Variants in TOP2B observed in about 807,000 individuals in gnomAD.
TOP2B encodes DNA topoisomerase 2-beta.
In TOP2B, 51 loss-of-function variants were observed where a neutral mutation model predicts 193.5. The ratio of observed to expected loss-of-function variants is 0.26; its 90% CI spans 0.21 to 0.33. The LOEUF is 0.33. TOP2B is among the 10% of genes least tolerant of loss of function. The pLI is 1.00. For missense variants in TOP2B, 1,378 were observed against 1,909.3 expected (o/e 0.72, Z 5.19); for synonymous variants, 634 against 635.7 (o/e 1.00, Z 0.04).
chr3:25,602,504 A>T (rs1702129400), intron 33 of TOP2B, among the ~76,000 whole-genome samples: 1 of 151,992 alleles, frequency 6.6e-6, no homozygotes, highest in Non-Finnish European at 1.5e-5. Flanking sequence ...TGTTTAAAAA[A>T]AAAAAAAAAC....
chr3:25,598,146 GTA>G lies in TOP2B; in HGVS notation c.*159_*160del. ...AATGAGTAAAAAAGAGCATAAAACT[GTA>G]TGTGTAAGAACAAAATGTTAAAAGG... On this transcript the variant is annotated 3_prime_UTR_variant, in exon 36 of 36. Coordinates refer to ENST00000264331, the MANE Select transcript of TOP2B (RefSeq NM_001330700.2). The G allele has an allele frequency of 1.5e-6, 1 of 667,522 alleles. No homozygotes were observed. Among genetic ancestry groups the G allele is most frequent in the Non-Finnish European group, 2.4e-6 (1 of 413,598 alleles). The allele number at this position is 667,522 out of a possible 1,614,324, so 41.3% of individuals were successfully genotyped here.
intron 18 of TOP2B, among the ~76,000 whole-genome samples, chr3:25,625,543 T>C (rs979422222): frequency 6.6e-6 from 1 of 152,056 alleles, no homozygotes; most frequent in African/African-American, 2.4e-5. Context: ...TTTGTTTGTT[T>C]GTTTTTGCGA....
At chr3:25,631,485 A>T (rs1029783212) in intron 10 of TOP2B, among the ~76,000 whole-genome samples, 28 of 152,090 alleles carry the variant, frequency 1.8e-4, no homozygotes, top group African/African-American at 6.5e-4. Flanking sequence ...CTGTGGCAAG[A>T]TGTTAACCCA....
Position 25,598,286 on chromosome 3 carries a change from ATGTT to A in TOP2B, c.*17_*20del, listed in dbSNP as rs528154103. ...GACAACACAAGATATTTGTTGAAAAATGTTTGTGCTCTTTGGGCACTTAATTAAA... is the reference window on the plus strand; with the variant it reads ...GACAACACAAGATATTTGTTGAAAAATGTGCTCTTTGGGCACTTAATTAAA... On this transcript the variant is annotated 3_prime_UTR_variant, in exon 36 of 36. Transcript: ENST00000264331. 6 of 1,584,136 alleles carry A rather than the reference ATGTT, an allele frequency of 3.8e-6. No homozygotes were observed. The highest frequency in any genetic ancestry group is 2.7e-5 in the African/African-American group (2 of 74,024).
rs577804490 is a variant in TOP2B, at chr3:25,638,794, T to C, written c.396-484A>G. Among the ~76,000 whole-genome samples, 6 of 152,314 alleles carry C rather than the reference T, an allele frequency of 3.9e-5. No homozygotes were observed. The East Asian group carries it at 1.2e-3, about 29-fold the overall frequency. On this transcript the variant is annotated intron_variant, in intron 4 of 35. Coordinates refer to ENST00000264331, the MANE Select transcript of TOP2B (RefSeq NM_001330700.2). Reference sequence around the variant, plus strand: ...GAACTGGCTATCAAACTCACCTCTCTTATAAAATTTCAATCTGTATCATTT... The same window carrying C: ...GAACTGGCTATCAAACTCACCTCTCCTATAAAATTTCAATCTGTATCATTT...
At chr3:25,601,298 A>G in intron 33 of TOP2B, 73 bp from the exon 34 acceptor site, 1 of 1,499,734 alleles carries the variant, frequency 6.7e-7, no homozygotes, top group Non-Finnish European at 8.9e-7. Context: ...TCCTATATAA[A>G]TGGAATTTCT....
rs190245921 is a variant in TOP2B at position 25,642,594 on chromosome 3, C to T, written c.332-209G>A. The stretch of plus-strand genomic sequence containing the variant: ...CACACCAAATTACTGTTATGTTTTC[C>T]ACCACAAAAAAAGAGGAGGAAATGT... On this transcript the variant is annotated intron_variant, in intron 3 of 35. Transcript: ENST00000264331. Among the ~76,000 whole-genome samples, 483 of 151,930 alleles carry T rather than the reference C, an allele frequency of 3.2e-3. 5 individuals are homozygous for T. Among genetic ancestry groups the T allele is most frequent in the Admixed American group, 4.8e-3 (74 of 15,270 alleles).
At chr3:25,652,769 C>T (rs932403997) in intron 1 of TOP2B, among the ~76,000 whole-genome samples, 3 of 150,710 alleles carry the variant, frequency 2.0e-5, no homozygotes, top group Admixed American at 6.6e-5. Context: ...GAAACTAAAC[C>T]AAATTAATGA....
chr3:25,633,714 G>A, intron 8 of TOP2B, 127 bp downstream of exon 8: 1 of 717,610 alleles, frequency 1.4e-6, no homozygotes, highest in Non-Finnish European at 2.1e-6. Context: ...GTTTTCATAA[G>A]TCAATTCTTA....
Position 25,664,246 on chromosome 3 carries a change from C to G in TOP2B, c.52G>C (p.Gly18Arg), listed in dbSNP as rs1233350573. The G allele has an allele frequency of 6.5e-7, 1 of 1,538,558 alleles. No individual in the cohort carries two copies. Among genetic ancestry groups the G allele is most frequent in the East Asian group, 2.5e-5 (1 of 40,704 alleles). The change falls in exon 1 of 36, where the codon GGG becomes CGG. Residue 18 changes from glycine (G) to arginine (R), a missense_variant. Physicochemically the swap from Gly to Arg is moderately radical, Grantham distance 125 (BLOSUM62 -2). Transcript: ENST00000264331. ...CCACTTACCACCCAGGTCAGTGCCC[C>G]GTTGCCGCCGCCCACGCCGGCTCCC... is the stretch of plus-strand genomic sequence containing the variant. ...GAGAGVGGGN[G>R]ALTWVTLFDQ...
At chr3:25,640,752 C>CTTTTT (rs372465937) in intron 4 of TOP2B, among the ~76,000 whole-genome samples, 27 of 106,978 alleles carry the variant, frequency 2.5e-4, no homozygotes, top group Admixed American at 3.3e-4. Flanking sequence ...TCTTCGTTGT[C>CTTTTT]TTTTTTTTTT....
Position 25,633,940 on chromosome 3 carries a change from A to C in TOP2B, c.927T>G (p.Val309=), listed in dbSNP as rs370757931. 1.7e-4 allele frequency: 273 copies of C among 1,613,130 alleles called. No homozygotes were observed. Among genetic ancestry groups the C allele is most frequent in the Non-Finnish European group, 2.2e-4 (263 of 1,179,426 alleles). The stretch of plus-strand genomic sequence containing the variant: ...ATCTTTCATTTGCAAGCTCATGAAT[A>C]ACTTTCAGGGCCACCCCAGTTTCAT... The part of the protein sequence containing the change: ...KLDETGVALK[V]IHELANERWD... The change falls in exon 8 of 36, where the codon GTT becomes GTG. Residue 309 remains valine (V), a synonymous_variant. Transcript: ENST00000264331.
intron 14 of TOP2B, 37 bp downstream of exon 14, chr3:25,628,998 A>C: frequency 2.5e-6 from 4 of 1,575,982 alleles, no homozygotes; most frequent in Non-Finnish European, 3.5e-6. Context: ...CTACCCTTTA[A>C]GACAACAATA....
At chr3:25,628,770 CA>C in intron 15 of TOP2B, 76 bp downstream of exon 15, 1 of 905,744 alleles carries the variant, frequency 1.1e-6, no homozygotes, top group East Asian at 2.8e-5. Context: ...GTCAAACTTT[CA>C]AGTCATCTTT....
In TOP2B at chr3:25,635,623, A is replaced by T. The variant is rs1703086036; in HGVS notation, c.852+313T>A. 2.2e-5 allele frequency among the ~76,000 whole-genome samples: 3 copies of T among 137,848 alleles called. No individual in the cohort carries two copies. The South Asian group carries it at 7.0e-4, about 32-fold the overall frequency. The allele number at this position is 137,848 out of a possible 152,430, so 90.4% of individuals were successfully genotyped here. A position where few individuals can be genotyped will look rare whatever the true frequency, so the allele number is the denominator to read the frequency against. ...TGATGCAGAGACTGCAAATGACTAA[A>T]CTTGAAGAGAGGGGATAGAAATTAA... is the stretch of plus-strand genomic sequence containing the variant. On this transcript the variant is annotated intron_variant, in intron 7 of 35. Transcript: ENST00000264331.
chr3:25,632,115 A>C (rs1362615181), intron 10 of TOP2B, among the ~76,000 whole-genome samples: 1 of 152,110 alleles, frequency 6.6e-6, no homozygotes, highest in Non-Finnish European at 1.5e-5. Flanking sequence ...TCAGTAGATC[A>C]AGTTGAAATG....
At chr3:25,662,649 G>A (rs2125414744) in intron 1 of TOP2B, among the ~76,000 whole-genome samples, 1 of 152,258 alleles carries the variant, frequency 6.6e-6, no homozygotes. Context: ...TTCCTATGGA[G>A]CTTGAAAGAA....
Position 25,645,451 on chromosome 3 carries a change from T to C in TOP2B, c.89A>G (p.Asn30Ser), listed in dbSNP as rs762587075. 3.1e-6 allele frequency: 5 copies of C among 1,609,820 alleles called. No individual in the cohort carries two copies. The highest frequency in any genetic ancestry group is 4.2e-6 in the Non-Finnish European group (5 of 1,178,746). The change falls in exon 2 of 36, where the codon AAT (asparagine) becomes AGT (serine). Residue 30 changes from asparagine (N) to serine (S), a missense_variant. Asn to Ser is a conservative substitution (Grantham distance 46). Coordinates refer to ENST00000264331, the MANE Select transcript of TOP2B (RefSeq NM_001330700.2). ...LTWVTLFDQN[N>S]AAKKEESETA... Reference sequence around the variant, plus strand: ...TTCTGACTCTTCTTTTTTTGCAGCATTGTTCTGATCAAAAAGAGTCTAAAA... The same window carrying C: ...TTCTGACTCTTCTTTTTTTGCAGCACTGTTCTGATCAAAAAGAGTCTAAAA...
Position 25,655,876 on chromosome 3 carries a change from G to C in TOP2B, c.69+8353C>G, listed in dbSNP as rs75520342. Among the ~76,000 whole-genome samples, 405 of 152,258 alleles carry C rather than the reference G, an allele frequency of 2.7e-3. 2 individuals carry two copies. Among genetic ancestry groups the C allele is most frequent in the African/African-American group, 8.9e-3 (368 of 41,546 alleles). On this transcript the variant is annotated intron_variant, in intron 1 of 35. Coordinates refer to ENST00000264331, the MANE Select transcript of TOP2B (RefSeq NM_001330700.2). The stretch of plus-strand genomic sequence containing the variant: ...TAGAAAGGTGGTTAACCAAGGGCTG[G>C]GGGGAGAGGGAATTAGTGTTTAGTA...
Sources: gnomAD v4.1 joint callset for allele counts (sites outside exome capture counted in the v4.1 genomes callset) on GRCh38, gnomAD v4.1.1 for gene constraint, MANE v1.5 for transcripts, NCBI Gene and HGNC (gene_info 2026-07-23, HGNC 2026-07-21) for gene names.